The following PXK variants were observed in gnomAD, a reference collection of about 807,000 sequenced individuals.
PXK encodes the protein PX domain-containing protein kinase-like protein.
In PXK, 35 loss-of-function variants were observed where a neutral mutation model predicts 84.7. The ratio of observed to expected loss-of-function variants is 0.41; its 90% confidence interval spans 0.32 to 0.55. The LOEUF (loss-of-function observed/expected upper bound fraction) is 0.55, where lower values mean the gene tolerates loss of function less well. Ranked by LOEUF, PXK falls within the 20% of genes least tolerant of loss-of-function variation. PXK has a pLI of 0.21. For synonymous variants in PXK, 253 were observed against 260.8 expected (o/e 0.97, Z 0.29); for missense variants, 634 against 699.7 (o/e 0.91, Z 1.06).
rs577519736 is a variant in PXK at position 58,422,260 on chromosome 3, C to T, written c.1529-2492C>T. On this transcript the variant is annotated intron_variant, in intron 17 of 17. Coordinates refer to ENST00000356151, the MANE Select transcript of PXK (RefSeq NM_017771.5). ...CTCCTCCAGTTTCCACCTTCTGACC[C>T]CTAGACCTCCTCTCCCCTCCAGAGT... The T allele has an allele frequency of 5.1e-6, 5 of 985,408 alleles. No homozygotes were observed. The South Asian group carries it at 2.3e-4, about 46-fold the overall frequency. The allele number at this position is 985,408 out of a possible 1,614,324, so 61.0% of individuals were successfully genotyped here. A position where few individuals can be genotyped will look rare whatever the true frequency, so the allele number is the denominator to read the frequency against.
In PXK at chr3:58,333,351, C is replaced by T. The variant is rs1031538247; in HGVS notation, c.102+261C>T. On this transcript the variant is annotated intron_variant, in intron 1 of 17. Coordinates refer to ENST00000356151, the MANE Select transcript of PXK (RefSeq NM_017771.5). This position sits in a 1 kb window ranked among gnomAD's most constrained non-coding sequence, Gnocchi z 5.4. ...GGGGTGGAAGGAGCTCGGCGGCGAC[C>T]AGGAAAGCGACTCCGAGTTGGGGGG... is the stretch of plus-strand genomic sequence containing the variant. 1.6e-4 allele frequency: 48 copies of T among 300,076 alleles called. No homozygotes were observed. Among genetic ancestry groups the T allele is most frequent in the African/African-American group, 1.0e-3 (47 of 45,214 alleles). 18.6% of individuals were successfully genotyped at this position (300,076 alleles called of 1,614,324 possible).
chr3:58,361,823 T>G (rs954480123), intron 1 of PXK, among the ~76,000 whole-genome samples: 1 of 152,242 alleles, frequency 6.6e-6, no homozygotes, highest in Non-Finnish European at 1.5e-5. Flanking sequence ...TAAATTCTTA[T>G]GTGAATATAA....
In PXK at chr3:58,397,808, G is replaced by A; in HGVS notation, c.1102+86G>A. On this transcript the variant is annotated intron_variant, in intron 11 of 17. Coordinates refer to ENST00000356151, the MANE Select transcript of PXK (RefSeq NM_017771.5). This position sits in a 1 kb window ranked among gnomAD's most constrained non-coding sequence, Gnocchi z 4.7. Reference sequence around the variant, plus strand: ...CTTTCCAGAGTCCAGGAAAGACCCAGAGGAAGTTGCTGTCCTCCACAGCCA... The same window carrying A: ...CTTTCCAGAGTCCAGGAAAGACCCAAAGGAAGTTGCTGTCCTCCACAGCCA... 6.3e-6 allele frequency: 7 copies of A among 1,104,388 alleles called. No individual in the cohort carries two copies. Among genetic ancestry groups the A allele is most frequent in the Non-Finnish European group, 7.9e-6 (6 of 758,154 alleles). The allele number at this position is 1,104,388 out of a possible 1,614,324, so 68.4% of individuals were successfully genotyped here.
intron 17 of PXK, among the ~76,000 whole-genome samples, chr3:58,424,149 T>C (rs2062436382): frequency 6.6e-6 from 1 of 152,196 alleles, no homozygotes; most frequent in Non-Finnish European, 1.5e-5. Context: ...TGCAACCTAA[T>C]AGGAAATTAT....
At chr3:58,354,448 GT>G (rs1201406097) in intron 1 of PXK, among the ~76,000 whole-genome samples, 72 of 143,246 alleles carry the variant, frequency 5.0e-4, no homozygotes, top group South Asian at 1.1e-3. Context: ...CTGCTTCCTA[GT>G]TTTTTTTTTT....
chr3:58,356,049 G>T (rs2108205975), intron 1 of PXK, among the ~76,000 whole-genome samples: 1 of 152,348 alleles, frequency 6.6e-6, no homozygotes, highest in Non-Finnish European at 1.5e-5. Flanking sequence ...AAAATTCCCA[G>T]CACATGATCA....
At chr3:58,363,625 G>T (rs1019000782) in intron 1 of PXK, among the ~76,000 whole-genome samples, 3 of 152,176 alleles carry the variant, frequency 2.0e-5, no homozygotes, top group African/African-American at 7.2e-5. Context: ...TCTGGCCTAA[G>T]AATTTATTAA....
At chr3:58,358,177 T>C (rs993748092) in intron 1 of PXK, among the ~76,000 whole-genome samples, 2 of 152,238 alleles carry the variant, frequency 1.3e-5, no homozygotes, top group Non-Finnish European at 2.9e-5. Context: ...TCCACTGTTT[T>C]AGTCATTTTG....
intron 1 of PXK, among the ~76,000 whole-genome samples, chr3:58,347,906 G>A (rs1289084352): frequency 6.6e-6 from 1 of 152,014 alleles, no homozygotes; most frequent in Admixed American, 6.6e-5. Flanking sequence ...TTTCTATGAG[G>A]CTAATGAACT....
In PXK at chr3:58,401,959, A is replaced by G. The variant is rs1360792417; in HGVS notation, c.1182-1903A>G. On this transcript the variant is annotated intron_variant, in intron 12 of 17. Coordinates refer to ENST00000356151, the MANE Select transcript of PXK (RefSeq NM_017771.5). The surrounding 1 kb of genome is among the most constrained non-coding windows in gnomAD (Gnocchi z 4.4). ...GATATTCAGCCAGGCATACTGGCAC[A>G]TGCCTGTAGTTCCAGCTACTCAGGA... Among the ~76,000 whole-genome samples the G allele has an allele frequency of 3.3e-5, 5 of 152,294 alleles. No individual in the cohort carries two copies. The highest frequency in any genetic ancestry group is 2.0e-4 in the Admixed American group (3 of 15,302).
In PXK at chr3:58,425,466, T is replaced by C. The variant is rs1007288482; in HGVS notation, c.*506T>C. The C allele has an allele frequency of 1.3e-5, 2 of 155,608 alleles. No homozygotes were observed. Among genetic ancestry groups the C allele is most frequent in the South Asian group, 3.9e-4 (2 of 5,072 alleles). The allele number at this position is 155,608 out of a possible 1,614,324, so 9.6% of individuals were successfully genotyped here. A position where few individuals can be genotyped will look rare whatever the true frequency, so the allele number is the denominator to read the frequency against. On this transcript the variant is annotated 3_prime_UTR_variant, in exon 18 of 18. Coordinates refer to ENST00000356151, the MANE Select transcript of PXK (RefSeq NM_017771.5). ...CACTATAGCCCAAAGCATAGTTACT[T>C]TGCTAAATCAGAAAGCAACTGAGTT...
rs529000636 is a variant in PXK at position 58,356,892 on chromosome 3, C to T, written c.103-8982C>T. Among the ~76,000 whole-genome samples the T allele has an allele frequency of 7.8e-4, 59 of 76,022 alleles. 2 individuals carry two copies. In the South Asian group the frequency reaches 0.023, roughly 30 times the overall value. The allele number at this position is 76,022 out of a possible 152,430, so 49.9% of individuals were successfully genotyped here. A position where few individuals can be genotyped will look rare whatever the true frequency, so the allele number is the denominator to read the frequency against. On this transcript the variant is annotated intron_variant, in intron 1 of 17. Coordinates refer to ENST00000356151, the MANE Select transcript of PXK (RefSeq NM_017771.5). ...CTGGGATTAGAGGCGTGAGCCACTG[C>T]GCCCGGCCTCTTTTTTTTTTTTTGT... is the stretch of plus-strand genomic sequence containing the variant.
intron 17 of PXK, chr3:58,422,367 G>T (rs1225458370): frequency 1.0e-6 from 1 of 985,212 alleles, no homozygotes; most frequent in Non-Finnish European, 1.2e-6. Flanking sequence ...GGCCCAGTGA[G>T]GAAAAGTGGA....
rs1350308754 is a variant in PXK at position 58,423,075 on chromosome 3, C to T, written c.1529-1677C>T. The T allele has an allele frequency of 3.0e-6, 3 of 985,312 alleles. No homozygotes were observed. The East Asian group carries it at 3.4e-4, about 112-fold the overall frequency. The allele number at this position is 985,312 out of a possible 1,614,324, so 61.0% of individuals were successfully genotyped here. A position where few individuals can be genotyped will look rare whatever the true frequency, so the allele number is the denominator to read the frequency against. ...GGCAGAGCTCACTCCTTCGGGCCCA[C>T]TTGGTGTTGCAGTCAAGAGACTCAG... On this transcript the variant is annotated intron_variant, in intron 17 of 17. Coordinates refer to ENST00000356151, the MANE Select transcript of PXK (RefSeq NM_017771.5).
chr3:58,413,074 T>G, intron 17 of PXK, 111 bp downstream of exon 17: 6 of 1,208,220 alleles, frequency 5.0e-6, no homozygotes, highest in Non-Finnish European at 7.3e-6. Context: ...TAGCAGCAGC[T>G]TTCTCAAGAG....
At chr3:58,373,528 G>A (rs748796290) in intron 3 of PXK, among the ~76,000 whole-genome samples, 1 of 152,190 alleles carries the variant, frequency 6.6e-6, no homozygotes, top group Admixed American at 6.5e-5. Flanking sequence ...TACTCCAGGG[G>A]ACAGCAGGGG....
At chr3:58,344,684 C>T (rs1369073106) in intron 1 of PXK, among the ~76,000 whole-genome samples, 4 of 152,160 alleles carry the variant, frequency 2.6e-5, no homozygotes, top group Non-Finnish European at 5.9e-5. Flanking sequence ...AATAATTAGC[C>T]AGTTATGGTG....
At chr3:58,419,837 G>C (rs1158649839) in intron 17 of PXK, among the ~76,000 whole-genome samples, 1 of 152,186 alleles carries the variant, frequency 6.6e-6, no homozygotes, top group African/African-American at 2.4e-5. Context: ...ATTTAGCTGG[G>C]GATCTAGTCA....
At chr3:58,417,352 C>T (rs1318121873) in intron 17 of PXK, among the ~76,000 whole-genome samples, 5 of 152,162 alleles carry the variant, frequency 3.3e-5, no homozygotes, top group African/African-American at 7.2e-5. Flanking sequence ...CCGAAAGCAT[C>T]GGTTGTAAGC....
Sources: allele counts gnomAD v4.1 joint callset (sites outside exome capture counted in the v4.1 genomes callset), GRCh38; gene constraint gnomAD v4.1.1; non-coding constraint Gnocchi (gnomAD v3.1); transcripts MANE v1.5; gene names NCBI Gene and HGNC (gene_info 2026-07-23, HGNC 2026-07-21).